TTC8: variants seen among roughly 807,000 people sequenced by gnomAD.
The protein encoded by TTC8 is tetratricopeptide repeat domain 8.
A neutral mutation model predicts 72.5 loss-of-function variants in TTC8; 47 were observed. The observed-to-expected ratio is 0.65, with a 90% CI of 0.51 to 0.83. The LOEUF is 0.83. TTC8 is among the 40% of genes least tolerant of loss of function. TTC8 has a pLI of 0.00. For synonymous variants in TTC8, 199 were observed against 221.4 expected (o/e 0.90, Z 0.90); for missense variants, 611 against 623.2 (o/e 0.98, Z 0.21).
At chr14:88,861,447 A>G (rs952526957) in intron 10 of TTC8, 115 bp downstream of exon 10, 9 of 739,004 alleles carry the variant, frequency 1.2e-5, no homozygotes, top group Middle Eastern at 3.9e-4. Flanking sequence ...AATCAGGGTA[A>G]TTGAGTTATC....
Position 88,841,143 on chromosome 14 carries a change from T to G in TTC8, c.436T>G (p.Tyr146Asp). 6.2e-7 allele frequency: 1 copy of G among 1,614,086 alleles called. No homozygotes were observed. Among genetic ancestry groups the G allele is most frequent in the South Asian group, 1.1e-5 (1 of 91,086 alleles). Residue 146 changes from tyrosine to aspartate, a missense_variant, in exon 5 of 15, where the codon TAC (tyrosine) becomes GAC (aspartate). Physicochemically the swap from Tyr to Asp is radical, Grantham distance 160. Coordinates refer to ENST00000380656, the MANE Select transcript of TTC8 (RefSeq NM_144596.4). ...EQAIRTPRTA[Y>D]TARPITSSSG... ...GGCTATCAGAACACCCAGAACCGCCTACACAGCCCGCCCTATCACCAGCTC... is the reference window on the plus strand; with the variant it reads ...GGCTATCAGAACACCCAGAACCGCCGACACAGCCCGCCCTATCACCAGCTC...
intron 8 of TTC8, among the ~76,000 whole-genome samples, chr14:88,856,232 A>G (rs1397299061): frequency 1.3e-5 from 2 of 152,198 alleles, no homozygotes; most frequent in African/African-American, 4.8e-5. Flanking sequence ...CATGTCCCAC[A>G]TCTTCTCACT....
rs1414335189 is a variant in TTC8 at position 88,861,346 on chromosome 14, T to C, written c.909+14T>C. The C allele has an allele frequency of 6.6e-7, 1 of 1,522,932 alleles. No homozygotes were observed. The highest frequency in any genetic ancestry group is 1.1e-5 in the South Asian group (1 of 87,802). The allele number at this position is 1,522,932 out of a possible 1,614,324, so 94.3% of individuals were successfully genotyped here. ...AGAATCTATGAGGTAATTCATGTTA[T>C]TATTATTATTATTTATTGATACACA... On this transcript the variant is annotated intron_variant, in intron 10 of 14. Transcript: ENST00000380656.
chr14:88,872,204 C>A, intron 12 of TTC8, 126 bp from the exon 13 acceptor site: 1 of 1,344,418 alleles, frequency 7.4e-7, no homozygotes, highest in Non-Finnish European at 1.0e-6. Flanking sequence ...GTAGAATTCA[C>A]ATTGACTTCT....
chr14:88,841,394 G>C, intron 5 of TTC8, 31 bp from the exon 6 acceptor site: 1 of 1,606,864 alleles, frequency 6.2e-7, no homozygotes, highest in East Asian at 2.2e-5. Context: ...GAAAGTTTCA[G>C]ATCTCTTGGT....
At position 88,877,430 on chromosome 14, in the gene TTC8, T is replaced by C. The variant is rs1410518688; in HGVS notation, c.*20T>C. On this transcript the variant is annotated 3_prime_UTR_variant, in exon 15 of 15. Coordinates refer to ENST00000380656, the MANE Select transcript of TTC8 (RefSeq NM_144596.4). ...CTCTGATTGTTCCTTAGACCACATA[T>C]GTTCTTATGAAGCAGCATTATGCAA... The C allele has an allele frequency of 1.3e-6, 2 of 1,586,924 alleles. No individual in the cohort carries two copies. Among genetic ancestry groups the C allele is most frequent in the Non-Finnish European group, 1.7e-6 (2 of 1,155,410 alleles).
At position 88,841,419 on chromosome 14, in the gene TTC8, C is replaced by T. The variant is rs555322719; in HGVS notation, c.490-6C>T. The T allele has an allele frequency of 2.5e-6, 4 of 1,613,308 alleles. No homozygotes were observed. The highest frequency in any genetic ancestry group is 1.7e-4 in the Middle Eastern group (1 of 6,026). ...GATCTCTTGGTCTATTGTTTTTCCTCTGTAGGCTTCCATGCTTACAAGTCC... is the reference window on the plus strand; with the variant it reads ...GATCTCTTGGTCTATTGTTTTTCCTTTGTAGGCTTCCATGCTTACAAGTCC... On this transcript the variant is annotated splice_region_variant and splice_polypyrimidine_tract_variant and intron_variant, in intron 5 of 14. Transcript: ENST00000380656.
In TTC8 at chr14:88,871,766, T is replaced by C. The variant is rs182199142; in HGVS notation, c.1224+43T>C. ...TATAATTTCTGTTATAGAAAGTTGG[T>C]TTGAGCCAGACACAGTGGCTCATGC... On this transcript the variant is annotated intron_variant, in intron 12 of 14. Transcript: ENST00000380656. This position sits in a 1 kb window ranked among gnomAD's most constrained non-coding sequence, Gnocchi z 4.1. 9.0e-5 allele frequency: 145 copies of C among 1,609,792 alleles called. 1 individual carries two copies. The East Asian group carries it at 3.1e-3, about 34-fold the overall frequency.
rs1236390567 is a variant in TTC8, at chr14:88,861,280, A to G, written c.857A>G (p.Asp286Gly). ...TTAAATCTTTTCAAACAAGGCTTAG[A>G]TAAGTTTCCAGGAGAAGTAACCCTG... is the stretch of plus-strand genomic sequence containing the variant. ...TALNLFKQGL[D>G]KFPGEVTLLC... Residue 286 changes from aspartate (D) to glycine (G), a missense_variant, in exon 10 of 15, where the codon GAT becomes GGT. By Grantham distance (94) the Asp-to-Gly change is moderately conservative (BLOSUM62 -1). Transcript: ENST00000380656. The G allele has an allele frequency of 6.2e-7, 1 of 1,613,066 alleles. No homozygotes were observed. Among genetic ancestry groups the G allele is most frequent in the Non-Finnish European group, 8.5e-7 (1 of 1,179,452 alleles).
intron 9 of TTC8, among the ~76,000 whole-genome samples, chr14:88,859,353 C>T (rs1017775072): frequency 6.6e-6 from 1 of 152,020 alleles, no homozygotes; most frequent in Non-Finnish European, 1.5e-5. Context: ...AGAATGAGAG[C>T]ATGTCCTTTG....
downstream of TTC8, chr14:88,879,402 C>T (rs894231205): frequency 6.6e-6 from 1 of 152,150 alleles, no homozygotes; most frequent in East Asian, 1.9e-4. Flanking sequence ...AATTGCTCAA[C>T]CAAAATTCAT....
At chr14:88,825,636 T>A (rs1025810141) in intron 1 of TTC8, among the ~76,000 whole-genome samples, 1 of 152,252 alleles carries the variant, frequency 6.6e-6, no homozygotes, top group Non-Finnish European at 1.5e-5. Context: ...AGTTTGTCAG[T>A]GCTTTTAGTA....
At chr14:88,852,892 G>C in intron 7 of TTC8, 79 bp from the exon 8 acceptor site, 2 of 1,178,188 alleles carry the variant, frequency 1.7e-6, no homozygotes, top group Non-Finnish European at 2.5e-6. Context: ...CTAATTATAT[G>C]GTCTATTTCA....
chr14:88,846,358 A>G (rs1028003376), intron 7 of TTC8, among the ~76,000 whole-genome samples: 3 of 152,148 alleles, frequency 2.0e-5, no homozygotes, highest in African/African-American at 7.2e-5. Context: ...AAACATTCTA[A>G]CAGACACCTC....
intron 10 of TTC8, among the ~76,000 whole-genome samples, chr14:88,864,891 G>A (rs1296580770): frequency 6.6e-6 from 1 of 152,208 alleles, no homozygotes; most frequent in Non-Finnish European, 1.5e-5. Context: ...TGCACTGTGT[G>A]TGCCTTTAGG....
chr14:88,852,047 A>C (rs1476573993), intron 7 of TTC8, among the ~76,000 whole-genome samples: 1 of 152,222 alleles, frequency 6.6e-6, no homozygotes. Context: ...TATCATGATT[A>C]TGTTAACACT....
At chr14:88,859,291 A>T (rs188730402) in intron 9 of TTC8, among the ~76,000 whole-genome samples, 48 of 152,318 alleles carry the variant, frequency 3.2e-4, no homozygotes, top group Admixed American at 5.2e-4. Context: ...GGTAGACCGG[A>T]TAATGAAAAT....
Position 88,872,382 on chromosome 14 carries a change from A to T in TTC8, c.1277A>T (p.Asn426Ile), listed in dbSNP as rs575952395. 2.0e-5 allele frequency: 33 copies of T among 1,613,102 alleles called. No individual in the cohort carries two copies. The highest frequency in any genetic ancestry group is 2.8e-5 in the Non-Finnish European group (33 of 1,179,400). The stretch of plus-strand genomic sequence containing the variant: ...CAGTGCTTCAGGCTGGCTCTGGTCA[A>T]CAACAACAACCACGCCGAGGCCTAC... ...AHQCFRLALV[N>I]NNNHAEAYNN... The change falls in exon 13 of 15, where the codon AAC becomes ATC. Residue 426 changes from asparagine to isoleucine, a missense_variant. Coordinates refer to ENST00000380656, the MANE Select transcript of TTC8 (RefSeq NM_144596.4).
intron 13 of TTC8, 97 bp from the exon 14 acceptor site, chr14:88,874,929 T>C (rs1389117303): frequency 4.7e-6 from 4 of 852,774 alleles, no homozygotes; most frequent in Non-Finnish European, 7.5e-6. Flanking sequence ...AGTCCTGTCA[T>C]AGGTAAAGAA....
Sources: allele counts gnomAD v4.1 joint callset (sites outside exome capture counted in the v4.1 genomes callset), GRCh38; gene constraint gnomAD v4.1.1; non-coding constraint Gnocchi (gnomAD v3.1); transcripts MANE v1.5; gene names NCBI Gene and HGNC (gene_info 2026-07-23, HGNC 2026-07-21).